LAPTM5: variants seen among roughly 807,000 people sequenced by gnomAD.
The protein encoded by LAPTM5 is lysosomal protein transmembrane 5, also known as lysosomal-associated transmembrane protein 5.
A neutral mutation model predicts 30.1 loss-of-function variants in LAPTM5; 11 were observed. The ratio of observed to expected loss-of-function variants is 0.37; its 90% CI spans 0.23 to 0.60. The LOEUF is 0.60. Among genes scored for constraint, LAPTM5 ranks in the 20% least tolerant of loss-of-function variants. The pLI, the probability that LAPTM5 is intolerant of heterozygous loss-of-function variation, is 0.71. For missense variants in LAPTM5, 324 were observed against 332.5 expected, an observed-to-expected ratio of 0.97 and a Z score of 0.20; for synonymous variants, 151 against 137.9, an observed-to-expected ratio of 1.10 and a Z score of -0.67.
chr1:30,742,295 G>A (rs1291306698), intron 2 of LAPTM5, 161 bp downstream of exon 2: 11 of 605,878 alleles, frequency 1.8e-5, no homozygotes, highest in East Asian at 1.1e-4. Flanking sequence ...CCCCATTTGC[G>A]GATGAAACAG....
At chr1:30,749,890 T>C (rs1017443889) in intron 1 of LAPTM5, among the ~76,000 whole-genome samples, 4 of 152,032 alleles carry the variant, frequency 2.6e-5, no homozygotes. Context: ...AGCAGTTGGC[T>C]GGGGGAACAC....
chr1:30,747,019 A>T (rs1470457297), intron 1 of LAPTM5, among the ~76,000 whole-genome samples: 2 of 152,180 alleles, frequency 1.3e-5, no homozygotes, highest in African/African-American at 4.8e-5. Context: ...CCGGTGTCAC[A>T]GTCTCCAGGG....
In LAPTM5 at chr1:30,757,719, G is replaced by A; in HGVS notation, c.27C>T (p.Arg9=). The A allele has an allele frequency of 6.2e-7, 1 of 1,613,844 alleles. No individual in the cohort carries two copies. The highest frequency in any genetic ancestry group is 8.5e-7 in the Non-Finnish European group (1 of 1,180,026). Reference sequence around the variant, plus strand: ...GGACATTGAAGCAGCAGCAGGTCTGGCGGACAGTGGACAAGCGGGGGTCCA... The same window carrying A: ...GGACATTGAAGCAGCAGCAGGTCTGACGGACAGTGGACAAGCGGGGGTCCA... MDPRLSTV[R]QTCCCFNVRI... is the part of the protein sequence containing the mutation. Residue 9 remains arginine, a synonymous_variant, in exon 1 of 8, where the codon CGC becomes CGT. Coordinates refer to ENST00000294507, the MANE Select transcript of LAPTM5 (RefSeq NM_006762.3).
At chr1:30,752,617 C>T (rs1016397770) in intron 1 of LAPTM5, among the ~76,000 whole-genome samples, 1 of 152,256 alleles carries the variant, frequency 6.6e-6, no homozygotes, top group African/African-American at 2.4e-5. Flanking sequence ...TCCAGCCCTA[C>T]ATCTGTGCCC....
chr1:30,752,113 G>C (rs1037628926), intron 1 of LAPTM5, among the ~76,000 whole-genome samples: 3 of 152,140 alleles, frequency 2.0e-5, no homozygotes, highest in African/African-American at 7.2e-5. Flanking sequence ...CTGGATGAGG[G>C]CAGGGCCTCC....
intron 2 of LAPTM5, 29 bp downstream of exon 2, chr1:30,742,427 G>T: frequency 6.5e-7 from 1 of 1,546,990 alleles, no homozygotes. Context: ...TCCTCCCCCC[G>T]CCACTCCACC....
chr1:30,733,692 G>A lies in LAPTM5; in HGVS notation c.*136C>T, dbSNP rs778491128. The A allele has an allele frequency of 2.3e-4, 347 of 1,534,156 alleles. 1 individual carries two copies. Among genetic ancestry groups the A allele is most frequent in the Non-Finnish European group, 3.0e-4 (343 of 1,146,152 alleles). ...GGCCCTGCAGGAGGAGCAGGCCAGC[G>A]AGGGAGACACAAGCAGATTGTCCTG... On this transcript the variant is annotated 3_prime_UTR_variant, in exon 8 of 8. Coordinates refer to ENST00000294507, the MANE Select transcript of LAPTM5 (RefSeq NM_006762.3).
rs977731957 is a variant in LAPTM5 at position 30,746,088 on chromosome 1, A to T, written c.88-3539T>A. The T allele has an allele frequency of 2.0e-5, 3 of 152,278 alleles. No homozygotes were observed. The highest frequency in any genetic ancestry group is 7.2e-5 in the African/African-American group (3 of 41,436). The allele number at this position is 152,278 out of a possible 1,614,324, so 9.4% of individuals were successfully genotyped here. A position where few individuals can be genotyped will look rare whatever the true frequency, so the allele number is the denominator to read the frequency against. On this transcript the variant is annotated intron_variant, in intron 1 of 7. Coordinates refer to ENST00000294507, the MANE Select transcript of LAPTM5 (RefSeq NM_006762.3). This position sits in a 1 kb window ranked among gnomAD's most constrained non-coding sequence, Gnocchi z 4.0. ...CAGCCCCAGCCACTCAGAGCTCAGG[A>T]GACAAGAGCTGGGGAGCAGGAGGCC...
chr1:30,737,611 A>G lies in LAPTM5; in HGVS notation c.599T>C (p.Ile200Thr), dbSNP rs776216936. The G allele has an allele frequency of 8.1e-6, 13 of 1,611,144 alleles. No homozygotes were observed. In the East Asian group the frequency reaches 2.7e-4, roughly 33 times the overall value. ...GGGCAGGGATCCACTCACCTTGAAG[A>G]TAAGGACAGTGATGAAGGCGATGGA... Reference protein sequence around the residue: ...IFSIAFITVLIFKVYMFKCVW... With the variant: ...IFSIAFITVLTFKVYMFKCVW... The change falls in exon 6 of 8, where the codon ATC (isoleucine) becomes ACC (threonine). Residue 200 changes from isoleucine (I) to threonine (T), a missense_variant. By Grantham distance (89) the Ile-to-Thr change is moderately conservative. Coordinates refer to ENST00000294507, the MANE Select transcript of LAPTM5 (RefSeq NM_006762.3).
rs371584502 is a variant in LAPTM5 at position 30,748,148 on chromosome 1, G to A, written c.88-5599C>T. Among the ~76,000 whole-genome samples, 525 of 152,166 alleles carry A rather than the reference G, an allele frequency of 3.5e-3. 7 individuals carry two copies. The South Asian group carries it at 0.04, about 12-fold the overall frequency. The stretch of plus-strand genomic sequence containing the variant: ...ATCTGAGATTTTCAGGGAGGTAAAG[G>A]TTATAGAGAAAGGACCCAGCCGTCA... On this transcript the variant is annotated intron_variant, in intron 1 of 7. Transcript: ENST00000294507.
At position 30,742,448 on chromosome 1, in the gene LAPTM5, G is replaced by T. The variant is rs772253448; in HGVS notation, c.181+8C>A. On this transcript the variant is annotated splice_region_variant and intron_variant, in intron 2 of 7. Transcript: ENST00000294507. The stretch of plus-strand genomic sequence containing the variant: ...CCCCGCCACTCCACCGGCGTCCCCT[G>T]GACCTACCGATCCTGAGGTAGCCCA... The T allele has an allele frequency of 6.8e-6, 11 of 1,608,338 alleles. No individual in the cohort carries two copies. Among genetic ancestry groups the T allele is most frequent in the Non-Finnish European group, 9.4e-6 (11 of 1,176,124 alleles).
At chr1:30,748,112 G>A (rs1431545319) in intron 1 of LAPTM5, among the ~76,000 whole-genome samples, 4 of 152,000 alleles carry the variant, frequency 2.6e-5, no homozygotes, top group African/African-American at 7.3e-5. Flanking sequence ...GCAGGCAGGC[G>A]GAGACCCACC....
At chr1:30,735,659 T>C (rs1339936350) in intron 6 of LAPTM5, among the ~76,000 whole-genome samples, 1 of 152,216 alleles carries the variant, frequency 6.6e-6, no homozygotes, top group African/African-American at 2.4e-5. Context: ...CGATATGTTG[T>C]TTTCTGAAGC....
intron 1 of LAPTM5, among the ~76,000 whole-genome samples, chr1:30,748,768 C>G (rs1327938758): frequency 1.3e-5 from 2 of 152,238 alleles, no homozygotes; most frequent in African/African-American, 4.8e-5. Context: ...TTCCGCAGTT[C>G]TCGTCCTCAC....
intron 1 of LAPTM5, among the ~76,000 whole-genome samples, chr1:30,756,884 C>T (rs1023019710): frequency 6.6e-6 from 1 of 152,162 alleles, no homozygotes; most frequent in Non-Finnish European, 1.5e-5. Flanking sequence ...CAGGACAGTA[C>T]AAGGACACTG....
intron 1 of LAPTM5, among the ~76,000 whole-genome samples, chr1:30,751,564 C>A (rs1482497200): frequency 1.3e-5 from 2 of 152,210 alleles, no homozygotes; most frequent in East Asian, 3.8e-4. Context: ...CATGGTGAAA[C>A]CCCATCTCTC....
chr1:30,750,511 G>A (rs147380491), intron 1 of LAPTM5, among the ~76,000 whole-genome samples: 39 of 152,248 alleles, frequency 2.6e-4, no homozygotes, highest in East Asian at 9.7e-4. Context: ...TCAACCTCGC[G>A]CCAGTCTTGA....
Position 30,749,112 on chromosome 1 carries a change from G to GA in LAPTM5, c.88-6564dup, listed in dbSNP as rs573489966. On this transcript the variant is annotated intron_variant, in intron 1 of 7. Transcript: ENST00000294507. ...AATCAATCCAAATGTTATTTTGCAG[G>GA]AAAACAGGCAAATGCATTGTGGTAG... Among the ~76,000 whole-genome samples, 311 of 152,302 alleles carry GA rather than the reference G, an allele frequency of 2.0e-3. 1 individual carries two copies. The highest frequency in any genetic ancestry group is 3.6e-3 in the Non-Finnish European group (248 of 68,034).
chr1:30,742,121 T>C, intron 2 of LAPTM5: 1 of 412,550 alleles, frequency 2.4e-6, no homozygotes, highest in Non-Finnish European at 4.5e-6. Flanking sequence ...AGAGGCTGGA[T>C]CCTATGGTGA....
Sources: gnomAD v4.1 joint callset for allele counts (sites outside exome capture counted in the v4.1 genomes callset) on GRCh38, gnomAD v4.1.1 for gene constraint, Gnocchi (gnomAD v3.1) non-coding constraint, MANE v1.5 for transcripts, NCBI Gene and HGNC (gene_info 2026-07-23, HGNC 2026-07-21) for gene names.